LYZL6: variants seen among roughly 807,000 people sequenced by gnomAD.
The protein encoded by LYZL6 is lysozyme-like protein 6.
In LYZL6, 21 loss-of-function variants were observed where a neutral mutation model predicts 15.0. The observed-to-expected ratio is 1.40, with a 90% CI of 1.00 to 2.02. LYZL6 has a LOEUF of 2.02. Ranked by LOEUF, LYZL6 falls within the 30% of genes most tolerant of loss-of-function variation. The probability of loss-of-function intolerance (pLI) is 0.00; values close to 1 mark genes in which losing one functional copy is unlikely to be tolerated. For missense variants in LYZL6, 173 were observed against 180.5 expected (o/e 0.96, Z 0.24); for synonymous variants, 72 against 67.8 (o/e 1.06, Z -0.31).
In LYZL6 at chr17:35,943,194, G is replaced by A. The variant is rs114099081; in HGVS notation, c.-203+373C>T. ...TCACTCTGTGTGCGTGTGTGTCTGC[G>A]ACCTCGATCTCCTTAAACGTGAGAC... On this transcript the variant is annotated intron_variant, in intron 1 of 4. Coordinates refer to ENST00000615905, the MANE Select transcript of LYZL6 (RefSeq NM_020426.4). Among the ~76,000 whole-genome samples, 868 of 152,120 alleles carry A rather than the reference G, an allele frequency of 5.7e-3. 12 individuals are homozygous for A. The highest frequency in any genetic ancestry group is 0.02 in the African/African-American group (822 of 41,478).
rs370330874 is a variant in LYZL6, at chr17:35,934,869, C to T, written c.378-4G>A. On this transcript the variant is annotated splice_region_variant and splice_polypyrimidine_tract_variant and intron_variant, in intron 4 of 4. Coordinates refer to ENST00000615905, the MANE Select transcript of LYZL6 (RefSeq NM_020426.4). The stretch of plus-strand genomic sequence containing the variant: ...ACAGTGCAACCTCCATTCTACCCTG[C>T]GGAGAAAAAAGACATGGTTCTTGCC... The T allele has an allele frequency of 3.3e-5, 53 of 1,613,702 alleles. No homozygotes were observed. Among genetic ancestry groups the T allele is most frequent in the Middle Eastern group, 1.6e-4 (1 of 6,082 alleles).
intron 1 of LYZL6, 130 bp downstream of exon 1, chr17:35,943,437 C>G (rs142440299): frequency 2.0e-5 from 3 of 152,340 alleles, no homozygotes; most frequent in African/African-American, 7.2e-5. Context: ...AGGAGGGTCC[C>G]TCAGAGATAG....
At chr17:35,935,090 T>C (rs772683801) in intron 4 of LYZL6, among the ~76,000 whole-genome samples, 2 of 151,216 alleles carry the variant, frequency 1.3e-5, no homozygotes, top group African/African-American at 4.9e-5. Context: ...CATTTTAAAA[T>C]CCTCATATCT....
chr17:35,937,675 C>T (rs533253868), intron 3 of LYZL6, 83 bp downstream of exon 3: 12 of 1,481,816 alleles, frequency 8.1e-6, no homozygotes, highest in East Asian at 2.3e-5. Flanking sequence ...GGGCCATTCC[C>T]AGGCTGTGGG....
intron 1 of LYZL6, among the ~76,000 whole-genome samples, chr17:35,941,141 A>G (rs2089421930): frequency 6.6e-6 from 1 of 152,166 alleles, no homozygotes; most frequent in Admixed American, 6.5e-5. Context: ...CAATTTCTCT[A>G]CATCCTCACC....
intron 3 of LYZL6, among the ~76,000 whole-genome samples, chr17:35,937,119 C>A (rs1051894499): frequency 6.6e-6 from 1 of 152,150 alleles, no homozygotes; most frequent in Non-Finnish European, 1.5e-5. Context: ...TGGGAGGTTT[C>A]CAGGGAGAGG....
intron 4 of LYZL6, among the ~76,000 whole-genome samples, chr17:35,936,344 T>A (rs1448125211): frequency 6.6e-6 from 1 of 152,222 alleles, no homozygotes; most frequent in Non-Finnish European, 1.5e-5. Flanking sequence ...CAGCACCCTT[T>A]GTCCTTTAGA....
chr17:35,934,629 G>C lies in LYZL6; in HGVS notation c.*167C>G. 1.6e-6 allele frequency: 1 copy of C among 616,144 alleles called. No homozygotes were observed. Among genetic ancestry groups the C allele is most frequent in the South Asian group, 2.1e-5 (1 of 46,888 alleles). 38.2% of individuals were successfully genotyped at this position (616,144 alleles called of 1,614,324 possible). ...GGGGACTGGGTCCAGATGGGAGTAAGGAGGAAGCCAAGAAAACCATTTATT... is the reference window on the plus strand; with the variant it reads ...GGGGACTGGGTCCAGATGGGAGTAACGAGGAAGCCAAGAAAACCATTTATT... On this transcript the variant is annotated 3_prime_UTR_variant, in exon 5 of 5. Coordinates refer to ENST00000615905, the MANE Select transcript of LYZL6 (RefSeq NM_020426.4).
intron 4 of LYZL6, 89 bp downstream of exon 4, chr17:35,936,666 T>C (rs2089375640): frequency 9.4e-7 from 1 of 1,064,898 alleles, no homozygotes; most frequent in Admixed American, 1.7e-5. Flanking sequence ...TGCAAGGGCG[T>C]GCCCGTGAGT....
At chr17:35,936,670 C>T (rs936265753) in intron 4 of LYZL6, 85 bp downstream of exon 4, 5 of 1,154,392 alleles carry the variant, frequency 4.3e-6, no homozygotes, top group African/African-American at 3.0e-5. Flanking sequence ...AGGGCGTGCC[C>T]GTGAGTCCTT....
chr17:35,943,241 C>G (rs1277752912), intron 1 of LYZL6, among the ~76,000 whole-genome samples: 1 of 152,192 alleles, frequency 6.6e-6, no homozygotes, highest in African/African-American at 2.4e-5. Context: ...GTATTTACTT[C>G]AGACAATGAG....
rs551775540 is a variant in LYZL6 at position 35,935,266 on chromosome 17, C to T, written c.378-401G>A. ...GAGTATGCAGGGGATTTGACTCCTT[C>T]CACAGTTGCCTGTAGAGGCAGCCAT... On this transcript the variant is annotated intron_variant, in intron 4 of 4. Coordinates refer to ENST00000615905, the MANE Select transcript of LYZL6 (RefSeq NM_020426.4). Among the ~76,000 whole-genome samples, 407 of 152,314 alleles carry T rather than the reference C, an allele frequency of 2.7e-3. 10 individuals are homozygous for T. In the South Asian group the frequency reaches 0.04, roughly 15 times the overall value.
chr17:35,939,098 T>C, intron 2 of LYZL6, 120 bp downstream of exon 2: 1 of 1,259,908 alleles, frequency 7.9e-7, no homozygotes, highest in Non-Finnish European at 1.1e-6. Context: ...GGAAAGGCTT[T>C]TTTGAAGGGG....
intron 1 of LYZL6, among the ~76,000 whole-genome samples, chr17:35,941,241 A>G (rs971208651): frequency 6.6e-6 from 1 of 152,240 alleles, no homozygotes. Context: ...CGTTTCCCAG[A>G]TGGCTACGGA....
At chr17:35,936,635 A>C (rs2141965494) in intron 4 of LYZL6, 120 bp downstream of exon 4, 1 of 763,548 alleles carries the variant, frequency 1.3e-6, no homozygotes, top group South Asian at 1.6e-5. Context: ...CCCGTCCGCT[A>C]TCCCACATCT....
intron 4 of LYZL6, among the ~76,000 whole-genome samples, chr17:35,935,582 A>G (rs184065335): frequency 4.9e-4 from 74 of 151,936 alleles, no homozygotes; most frequent in African/African-American, 1.7e-3. Flanking sequence ...AGCAAGGGAA[A>G]GGTCCCCAGA....
At chr17:35,941,258 T>C (rs971954632) in intron 1 of LYZL6, among the ~76,000 whole-genome samples, 2 of 152,268 alleles carry the variant, frequency 1.3e-5, no homozygotes, top group South Asian at 2.1e-4. Context: ...CGGATGTTGA[T>C]CATCTTTTTA....
chr17:35,939,976 C>T (rs182565551), intron 1 of LYZL6, among the ~76,000 whole-genome samples: 15 of 152,274 alleles, frequency 9.9e-5, no homozygotes, highest in African/African-American at 3.6e-4. Context: ...GGGTGCTAAT[C>T]TCCCCACAAC....
intron 1 of LYZL6, among the ~76,000 whole-genome samples, chr17:35,942,980 A>G (rs1333669761): frequency 6.6e-6 from 1 of 152,196 alleles, no homozygotes; most frequent in South Asian, 2.1e-4. Context: ...CTCTATACAG[A>G]TAGCACACCT....
Sources: allele counts gnomAD v4.1 joint callset (sites outside exome capture counted in the v4.1 genomes callset), GRCh38; gene constraint gnomAD v4.1.1; transcripts MANE v1.5; gene names NCBI Gene and HGNC (gene_info 2026-07-23, HGNC 2026-07-21).